Variants in CFAP57 observed in about 807,000 individuals in gnomAD.
The protein encoded by CFAP57 is cilia- and flagella-associated protein 57.
Under a neutral mutation model 146.8 loss-of-function variants are expected in CFAP57, and 116 were observed. That is an observed-to-expected ratio of 0.79 (90% confidence interval 0.68 to 0.92). CFAP57 has a LOEUF of 0.92. CFAP57 is among the 40% of genes least tolerant of loss of function. The probability of loss-of-function intolerance (pLI) is 0.00; values close to 1 mark genes in which losing one functional copy is unlikely to be tolerated. For synonymous variants in CFAP57, 518 were observed against 552.8 expected, an observed-to-expected ratio of 0.94 and a Z score of 0.88; for missense variants, 1,377 against 1,527.2, an observed-to-expected ratio of 0.90 and a Z score of 1.64.
At chr1:43,253,566 C>A (rs188202238) in intron 22 of CFAP57, among the ~76,000 whole-genome samples, 1 of 152,086 alleles carries the variant, frequency 6.6e-6, no homozygotes, top group Admixed American at 6.5e-5. Flanking sequence ...TGGAGAGGCA[C>A]GAAGGGGTCT....
intron 22 of CFAP57, among the ~76,000 whole-genome samples, chr1:43,245,206 G>C (rs940797082): frequency 1.3e-5 from 2 of 152,098 alleles, no homozygotes; most frequent in African/African-American, 4.8e-5. Flanking sequence ...CTATTCGGGA[G>C]GTTGAGGTGT....
chr1:43,180,004 C>T (rs190757250), intron 2 of CFAP57, among the ~76,000 whole-genome samples: 1,627 of 151,738 alleles, frequency 0.011, 19 homozygotes, highest in Non-Finnish European at 0.015. Flanking sequence ...GTTGGGAGTT[C>T]GAGACCAGCC....
At chr1:43,186,080 A>G (rs1440601338) in intron 5 of CFAP57, among the ~76,000 whole-genome samples, 1 of 101,306 alleles carries the variant, frequency 9.9e-6, no homozygotes, top group African/African-American at 5.7e-5. Context: ...CTCTGTCTCA[A>G]AAAAAAAAAA....
chr1:43,196,566 G>GA (rs34698591), intron 6 of CFAP57: 79,891 of 151,010 alleles, frequency 0.53, 22,812 homozygotes, highest in East Asian at 0.71. Flanking sequence ...GGCAGAATTT[G>GA]AAAAAAAAAA....
chr1:43,180,523 T>A (rs984141560), intron 2 of CFAP57, among the ~76,000 whole-genome samples: 1 of 151,890 alleles, frequency 6.6e-6, no homozygotes, highest in African/African-American at 2.4e-5. Flanking sequence ...CGGGTCCCCA[T>A]GTGTTGGGCC....
intron 5 of CFAP57, 128 bp from the exon 6 acceptor site, chr1:43,186,579 C>G (rs1039473268): frequency 9.8e-7 from 1 of 1,020,856 alleles, no homozygotes; most frequent in Admixed American, 2.7e-5. Context: ...CCACTGCACT[C>G]TGGCCTGGGC....
At chr1:43,252,934 A>C (rs1280380283) in intron 22 of CFAP57, among the ~76,000 whole-genome samples, 6 of 152,220 alleles carry the variant, frequency 3.9e-5, no homozygotes, top group Non-Finnish European at 8.8e-5. Flanking sequence ...GATATAGTAA[A>C]AGACAAAGAG....
In CFAP57 at chr1:43,209,770, G is replaced by A. The variant is rs778944883; in HGVS notation, c.1783G>A (p.Val595Ile). 6.2e-7 allele frequency: 1 copy of A among 1,614,172 alleles called. No individual in the cohort carries two copies. Among genetic ancestry groups the A allele is most frequent in the East Asian group, 2.2e-5 (1 of 44,876 alleles). Residue 595 changes from valine (V) to isoleucine (I), a missense_variant, in exon 11 of 23, where the codon GTC (valine) becomes ATC (isoleucine). By Grantham distance (29) the Val-to-Ile change is conservative. Coordinates refer to ENST00000372492, the MANE Select transcript of CFAP57 (RefSeq NM_001378189.1). ...LILREISAFD[V>I]TYTAIVISHS... ...CCTTCGAGAGATATCGGCGTTTGAT[G>A]TCACCTACACCGCCATTGTCATCTC...
intron 6 of CFAP57, among the ~76,000 whole-genome samples, chr1:43,190,991 G>A (rs1484493446): frequency 7.9e-5 from 12 of 152,144 alleles, no homozygotes; most frequent in Non-Finnish European, 8.8e-5. Flanking sequence ...AATGAGTTGG[G>A]AAGTGTTCCA....
chr1:43,234,465 C>T (rs1319273471), intron 20 of CFAP57, 30 bp from the exon 21 acceptor site: 1 of 1,543,496 alleles, frequency 6.5e-7, no homozygotes, highest in Non-Finnish European at 8.8e-7. Flanking sequence ...GTCTCCTCTC[C>T]CTCACTGAGA....
intron 2 of CFAP57, among the ~76,000 whole-genome samples, chr1:43,176,934 G>A (rs998584532): frequency 3.3e-5 from 5 of 152,074 alleles, no homozygotes; most frequent in African/African-American, 1.2e-4. Flanking sequence ...TGTGTTGGAG[G>A]AATAGCTGGG....
intron 9 of CFAP57, 121 bp from the exon 10 acceptor site, chr1:43,206,599 C>A: frequency 1.1e-6 from 1 of 928,346 alleles, no homozygotes; most frequent in South Asian, 1.4e-5. Context: ...ACAGAAGGGC[C>A]TACAGCAGGA....
chr1:43,251,630 A>C (rs1389566944), intron 22 of CFAP57, among the ~76,000 whole-genome samples: 1 of 152,266 alleles, frequency 6.6e-6, no homozygotes, highest in Non-Finnish European at 1.5e-5. Context: ...AGCAATTATT[A>C]ACTTTAGGAA....
At chr1:43,207,673 C>A (rs1288407163) in intron 10 of CFAP57, among the ~76,000 whole-genome samples, 1 of 152,210 alleles carries the variant, frequency 6.6e-6, no homozygotes, top group Non-Finnish European at 1.5e-5. Flanking sequence ...TGAAACCGTA[C>A]AGTTACATTG....
chr1:43,187,093 C>T (rs1236979098), intron 6 of CFAP57, among the ~76,000 whole-genome samples: 5 of 152,228 alleles, frequency 3.3e-5, no homozygotes, highest in African/African-American at 9.6e-5. Context: ...TGGCATTGTC[C>T]ATCAAATTTA....
chr1:43,253,822 C>A (rs1035133779), intron 22 of CFAP57, among the ~76,000 whole-genome samples, 155 bp from the exon 23 acceptor site: 1 of 152,068 alleles, frequency 6.6e-6, no homozygotes, highest in African/African-American at 2.4e-5. Flanking sequence ...TGCGAGACAG[C>A]AAAATGGCTT....
At chr1:43,226,847 A>T in intron 17 of CFAP57, 136 bp from the exon 18 acceptor site, 1 of 999,618 alleles carries the variant, frequency 1.0e-6, no homozygotes, top group East Asian at 2.8e-5. Context: ...CTCTGTACTG[A>T]CGAAGGGAGG....
intron 22 of CFAP57, chr1:43,250,400 A>G (rs1412371712): frequency 6.6e-6 from 1 of 152,220 alleles, no homozygotes; most frequent in African/African-American, 2.4e-5. Context: ...CTGGGGCTAA[A>G]CAGCACCGAA....
chr1:43,195,419 G>GTCA (rs1345616992), intron 6 of CFAP57, among the ~76,000 whole-genome samples: 1 of 152,104 alleles, frequency 6.6e-6, no homozygotes, highest in African/African-American at 2.4e-5. Context: ...CTACTAGGGA[G>GTCA]GTTGAGGCAG....
Sources: gnomAD v4.1 joint callset for allele counts (sites outside exome capture counted in the v4.1 genomes callset) on GRCh38, gnomAD v4.1.1 for gene constraint, MANE v1.5 for transcripts, NCBI Gene and HGNC (gene_info 2026-07-23, HGNC 2026-07-21) for gene names.